Variants in SUSD6 observed in about 807,000 individuals in gnomAD.
The protein encoded by SUSD6 is sushi domain containing 6.
In SUSD6, 16 loss-of-function variants were observed where a neutral mutation model predicts 28.4. The observed-to-expected ratio is 0.56, with a 90% confidence interval of 0.38 to 0.86. SUSD6 has a LOEUF of 0.86. Ranked by LOEUF, SUSD6 falls within the 40% of genes least tolerant of loss-of-function variation. SUSD6 has a pLI of 0.00. For synonymous variants in SUSD6, 147 were observed against 159.6 expected (o/e 0.92, Z 0.59); for missense variants, 341 against 384.2 (o/e 0.89, Z 0.94).
intron 1 of SUSD6, among the ~76,000 whole-genome samples, chr14:69,639,532 A>G (rs1039002995): frequency 2.6e-5 from 4 of 152,134 alleles, no homozygotes; most frequent in Non-Finnish European, 5.9e-5. Context: ...GAGGGAGTGT[A>G]AACCTGAGTT....
At chr14:69,704,577 C>T in intron 3 of SUSD6, 27 bp from the exon 4 acceptor site, 1 of 1,601,160 alleles carries the variant, frequency 6.2e-7, no homozygotes, top group South Asian at 1.1e-5. Flanking sequence ...GGTACAAAAC[C>T]CTTCTGATGA....
intron 1 of SUSD6, among the ~76,000 whole-genome samples, chr14:69,651,278 T>A (rs2139609267): frequency 6.6e-6 from 1 of 152,332 alleles, no homozygotes; most frequent in South Asian, 2.1e-4. Flanking sequence ...TGGTAGTGTG[T>A]CTGCTGGCTT....
intron 2 of SUSD6, among the ~76,000 whole-genome samples, chr14:69,687,477 G>T (rs998482510): frequency 1.3e-5 from 2 of 152,216 alleles, no homozygotes; most frequent in African/African-American, 4.8e-5. Context: ...AACATTGCTA[G>T]CCTTCTATAA....
chr14:69,617,766 C>T (rs1279922115), intron 1 of SUSD6: 1 of 152,190 alleles, frequency 6.6e-6, no homozygotes, highest in Non-Finnish European at 1.5e-5. Flanking sequence ...TGAAAAATTC[C>T]ATGCCAGGGT....
intron 1 of SUSD6, among the ~76,000 whole-genome samples, chr14:69,613,372 G>A (rs1411373646): frequency 6.6e-6 from 1 of 152,154 alleles, no homozygotes; most frequent in Non-Finnish European, 1.5e-5. Flanking sequence ...TTTACCTTTT[G>A]ATAAAATTGA....
At chr14:69,696,496 A>C (rs771704872) in intron 2 of SUSD6, among the ~76,000 whole-genome samples, 130 of 152,190 alleles carry the variant, frequency 8.5e-4, no homozygotes, top group Non-Finnish European at 1.3e-3. Flanking sequence ...TAGAAATATA[A>C]CCTTTATATA....
intron 2 of SUSD6, among the ~76,000 whole-genome samples, chr14:69,698,387 C>G (rs1160315412): frequency 2.0e-5 from 3 of 152,180 alleles, no homozygotes; most frequent in Admixed American, 2.0e-4. Flanking sequence ...TTCTCCTACT[C>G]AACCCTAATC....
At chr14:69,631,602 A>G (rs1376450120) in intron 1 of SUSD6, among the ~76,000 whole-genome samples, 1 of 152,194 alleles carries the variant, frequency 6.6e-6, no homozygotes. Flanking sequence ...ATCTGTGCGC[A>G]GTGACTAAGC....
intron 5 of SUSD6, among the ~76,000 whole-genome samples, chr14:69,710,589 A>G (rs191709418): frequency 2.0e-5 from 3 of 152,314 alleles, no homozygotes; most frequent in African/African-American, 7.2e-5. Flanking sequence ...GATTTATCCA[A>G]AGTCACACGA....
intron 4 of SUSD6, among the ~76,000 whole-genome samples, chr14:69,706,376 G>T (rs1003483201): frequency 6.6e-6 from 1 of 152,130 alleles, no homozygotes. Context: ...TTTAAATTTT[G>T]TGCTGTGTAC....
chr14:69,685,106 G>A (rs1886053274), intron 2 of SUSD6, among the ~76,000 whole-genome samples: 1 of 152,240 alleles, frequency 6.6e-6, no homozygotes, highest in African/African-American at 2.4e-5. Context: ...GGACAGTTGA[G>A]AGGACTCAGG....
intron 1 of SUSD6, among the ~76,000 whole-genome samples, chr14:69,631,613 A>C (rs1315665953): frequency 6.6e-6 from 1 of 152,204 alleles, no homozygotes; most frequent in Non-Finnish European, 1.5e-5. Flanking sequence ...GTGACTAAGC[A>C]CTCAAATGCC....
At chr14:69,654,790 G>GTGTGTGTGTGTGTGTGT (rs1491558166) in intron 1 of SUSD6, among the ~76,000 whole-genome samples, 4 of 98,992 alleles carry the variant, frequency 4.0e-5, no homozygotes, top group African/African-American at 1.6e-4. Flanking sequence ...TTTTTTTTTT[G>GTGTGTGTGTGTGTGTGT]GTGTGTGTGT....
intron 1 of SUSD6, among the ~76,000 whole-genome samples, chr14:69,651,746 T>G (rs1367212120): frequency 6.6e-6 from 1 of 152,150 alleles, no homozygotes; most frequent in Non-Finnish European, 1.5e-5. Context: ...TTTAGATATG[T>G]TTTGATACTG....
At chr14:69,612,269 G>C (rs953561666) in intron 1 of SUSD6, among the ~76,000 whole-genome samples, 1 of 152,154 alleles carries the variant, frequency 6.6e-6, no homozygotes, top group Non-Finnish European at 1.5e-5. Flanking sequence ...GGCTTGCGCT[G>C]GGGCAGGGCT....
intron 1 of SUSD6, among the ~76,000 whole-genome samples, chr14:69,626,803 C>T (rs567015726): frequency 2.0e-5 from 3 of 152,028 alleles, no homozygotes; most frequent in Admixed American, 1.3e-4. Context: ...CCAGCTCAGC[C>T]TCCTAAGCAG....
Position 69,709,071 on chromosome 14 carries a change from CT to C in SUSD6, c.857del (p.Leu286TyrfsTer15), listed in dbSNP as rs1203117021. ...ADSENSDIQS[L>X]LSLTSEEYTD... is the part of the protein sequence containing the mutation. ...TTCAGAGAACAGTGACATACAAAGC[CT>C]TTTATCCCTCACGTCAGAGGAGTAC... On this transcript the variant is annotated frameshift_variant, in exon 5 of 6. Coordinates refer to ENST00000342745, the MANE Select transcript of SUSD6 (RefSeq NM_014734.4). LOFTEE classifies it high-confidence loss of function. 3 of 1,610,128 alleles carry C rather than the reference CT, an allele frequency of 1.9e-6. No individual in the cohort carries two copies. Among genetic ancestry groups the C allele is most frequent in the Non-Finnish European group, 2.5e-6 (3 of 1,178,122 alleles).
intron 1 of SUSD6, among the ~76,000 whole-genome samples, chr14:69,612,940 T>C (rs1432634105): frequency 6.6e-6 from 1 of 152,190 alleles, no homozygotes; most frequent in Non-Finnish European, 1.5e-5. Flanking sequence ...ACACACACCT[T>C]TTCTGTTTTG....
intron 4 of SUSD6, among the ~76,000 whole-genome samples, chr14:69,707,771 A>T (rs114579856): frequency 0.014 from 2,050 of 151,736 alleles, 43 homozygotes; most frequent in African/African-American, 0.047. Flanking sequence ...TTTTTTAATT[A>T]AAAAAAAATA....
Sources: allele counts gnomAD v4.1 joint callset (sites outside exome capture counted in the v4.1 genomes callset), GRCh38; gene constraint gnomAD v4.1.1; transcripts MANE v1.5; gene names NCBI Gene and HGNC (gene_info 2026-07-23, HGNC 2026-07-21).